The following LAMA1 variants were observed in gnomAD, a reference collection of about 807,000 sequenced individuals.
LAMA1 encodes laminin subunit alpha-1.
A neutral mutation model predicts 348.7 loss-of-function variants in LAMA1; 219 were observed. The observed-to-expected ratio is 0.63, with a 90% CI of 0.56 to 0.70. The LOEUF is 0.70. Among genes scored for constraint, LAMA1 ranks in the 30% least tolerant of loss-of-function variants. The pLI is 0.00. For synonymous variants in LAMA1, 1,487 were observed against 1,491.0 expected (o/e 1.00, Z 0.06); for missense variants, 3,744 against 3,888.0 (o/e 0.96, Z 0.99).
rs1262462682 is a variant in LAMA1, at chr18:7,040,110, C to T, written c.1388G>A (p.Ser463Asn). Residue 463 changes from serine to asparagine, a missense_variant, in exon 10 of 63, where the codon AGT becomes AAT. This residue lies in a region of LAMA1 where 1,529 missense variants were observed against 1,689.4 expected (regional missense o/e 0.91). Coordinates refer to ENST00000389658, the MANE Select transcript of LAMA1 (RefSeq NM_005559.4). ...ACAGGGCCCTGTGCAGGGCTCATCA[C>T]TGGCACTGCCCACTGGGTTGCACCC... ...SCGCNPVGSA[S>N]DEPCTGPCVC... 2.5e-6 allele frequency: 4 copies of T among 1,614,060 alleles called. No homozygotes were observed. Among genetic ancestry groups the T allele is most frequent in the East Asian group, 2.2e-5 (1 of 44,872 alleles).
intron 1 of LAMA1, among the ~76,000 whole-genome samples, chr18:7,107,785 C>T (rs963134572): frequency 3.9e-5 from 6 of 152,060 alleles, no homozygotes; most frequent in South Asian, 2.1e-4. Flanking sequence ...GAGGCTGAGG[C>T]GGGCAGATCA....
chr18:7,091,142 C>T (rs1273295893), intron 1 of LAMA1, among the ~76,000 whole-genome samples: 2 of 152,206 alleles, frequency 1.3e-5, no homozygotes, highest in African/African-American at 4.8e-5. Flanking sequence ...GAGAAAAGAA[C>T]TTTAATTCAT....
chr18:6,991,504 C>T (rs921895071), intron 36 of LAMA1, among the ~76,000 whole-genome samples: 5 of 151,714 alleles, frequency 3.3e-5, no homozygotes, highest in African/African-American at 9.7e-5. Flanking sequence ...AATTCTCCTG[C>T]CTCAGCCTCC....
intron 62 of LAMA1, among the ~76,000 whole-genome samples, chr18:6,942,763 A>T (rs1259916607): frequency 6.6e-6 from 1 of 152,210 alleles, no homozygotes; most frequent in Non-Finnish European, 1.5e-5. Flanking sequence ...ACTTAAAAAA[A>T]GTCATACAAC....
At chr18:7,012,246 A>G in intron 23 of LAMA1, 108 bp from the exon 24 acceptor site, 2 of 1,193,010 alleles carry the variant, frequency 1.7e-6, no homozygotes, top group South Asian at 1.3e-5. Flanking sequence ...ATAATTATAG[A>G]TGCACAAACA....
chr18:6,971,487 A>G (rs2057658098), intron 48 of LAMA1, among the ~76,000 whole-genome samples: 1 of 152,166 alleles, frequency 6.6e-6, no homozygotes, highest in Non-Finnish European at 1.5e-5. Context: ...TGTTTGAGAA[A>G]TTGTCTGAAA....
intron 58 of LAMA1, among the ~76,000 whole-genome samples, chr18:6,949,973 C>T (rs1283308783): frequency 2.0e-5 from 3 of 152,196 alleles, no homozygotes; most frequent in Non-Finnish European, 4.4e-5. Flanking sequence ...TTAGGAATCA[C>T]GTAGCCAATA....
chr18:7,050,106 G>A (rs1360346064), intron 4 of LAMA1, among the ~76,000 whole-genome samples: 1 of 152,204 alleles, frequency 6.6e-6, no homozygotes, highest in African/African-American at 2.4e-5. Context: ...CACAAAGCCT[G>A]AATGATACAG....
intron 53 of LAMA1, 97 bp downstream of exon 53, chr18:6,961,489 C>T (rs747481799): frequency 1.0e-4 from 145 of 1,416,614 alleles, no homozygotes; most frequent in African/African-American, 1.8e-4. Context: ...ACCAGGAACA[C>T]GGTGACAATA....
At chr18:6,974,638 G>A (rs575252489) in intron 46 of LAMA1, among the ~76,000 whole-genome samples, 9 of 151,892 alleles carry the variant, frequency 5.9e-5, no homozygotes, top group Admixed American at 3.9e-4. Context: ...TGTATTTTTA[G>A]TAGAGATGGG....
At position 7,036,931 on chromosome 18, in the gene LAMA1, G is replaced by A. The variant is rs142774789; in HGVS notation, c.1737+647C>T. ...GATGCATTCTCGGGAATAAATTTTC[G>A]TATCAATCAGAATCTGGAGAGATGC... On this transcript the variant is annotated intron_variant, in intron 12 of 62. Transcript: ENST00000389658. 2.6e-3 allele frequency among the ~76,000 whole-genome samples: 398 copies of A among 152,152 alleles called. 1 individual carries two copies. The highest frequency in any genetic ancestry group is 8.7e-3 in the African/African-American group (360 of 41,524).
At chr18:6,997,074 TC>T (rs1219239776) in intron 33 of LAMA1, among the ~76,000 whole-genome samples, 5,719 of 152,152 alleles carry the variant, frequency 0.038, 347 homozygotes, top group African/African-American at 0.12. Flanking sequence ...TTTTTCTTTT[TC>T]TTTTTCTGAG....
intron 22 of LAMA1, among the ~76,000 whole-genome samples, chr18:7,014,337 C>G (rs567966183): frequency 4.6e-5 from 7 of 152,144 alleles, no homozygotes; most frequent in Admixed American, 1.3e-4. Flanking sequence ...CTGTAGAAAT[C>G]AGGCCAGGCA....
intron 6 of LAMA1, among the ~76,000 whole-genome samples, chr18:7,046,019 C>T (rs1452400963): frequency 6.6e-6 from 1 of 151,280 alleles, no homozygotes; most frequent in Non-Finnish European, 1.5e-5. Flanking sequence ...CTGAACTGTA[C>T]ACTTTCAAAT....
chr18:6,998,696 A>G (rs2144088798), intron 32 of LAMA1, among the ~76,000 whole-genome samples: 1 of 152,262 alleles, frequency 6.6e-6, no homozygotes, highest in South Asian at 2.1e-4. Context: ...TATCTCATGC[A>G]CTTGCTGGTA....
intron 19 of LAMA1, among the ~76,000 whole-genome samples, chr18:7,021,822 T>TA (rs1322554077): frequency 3.0e-5 from 3 of 99,636 alleles, no homozygotes; most frequent in African/African-American, 1.8e-4. Flanking sequence ...ATAATATATA[T>TA]TATATAATAT....
intron 1 of LAMA1, among the ~76,000 whole-genome samples, chr18:7,106,263 C>T (rs2058311298): frequency 6.6e-6 from 1 of 152,128 alleles, no homozygotes; most frequent in South Asian, 2.1e-4. Context: ...CAGATCCTGC[C>T]TCCTTGCATT....
intron 19 of LAMA1, among the ~76,000 whole-genome samples, chr18:7,022,624 T>C (rs2057922971): frequency 6.6e-6 from 1 of 152,216 alleles, no homozygotes; most frequent in Admixed American, 6.5e-5. Flanking sequence ...TCATCTGCTG[T>C]GCAGGAGAAT....
intron 36 of LAMA1, among the ~76,000 whole-genome samples, chr18:6,988,266 T>C (rs1172709936): frequency 6.6e-6 from 1 of 152,232 alleles, no homozygotes; most frequent in Non-Finnish European, 1.5e-5. Flanking sequence ...CTTCATTAGC[T>C]TCTTCTAGCA....
Sources: gnomAD v4.1 joint callset for allele counts (sites outside exome capture counted in the v4.1 genomes callset) on GRCh38, gnomAD v4.1.1 for gene constraint, gnomAD v4.1.1 regional missense constraint, MANE v1.5 for transcripts, NCBI Gene and HGNC (gene_info 2026-07-23, HGNC 2026-07-21) for gene names.